Variants in AFG3L2 observed in about 807,000 individuals in gnomAD.
AFG3L2 encodes AFG3 like matrix AAA peptidase subunit 2.
Under a neutral mutation model 94.5 loss-of-function variants are expected in AFG3L2, and 54 were observed. The ratio of observed to expected loss-of-function variants is 0.57; its 90% CI spans 0.46 to 0.72. The LOEUF is 0.72. Ranked by LOEUF, AFG3L2 falls within the 30% of genes least tolerant of loss-of-function variation. The probability of loss-of-function intolerance (pLI) is 0.00; values close to 1 mark genes in which losing one functional copy is unlikely to be tolerated. For missense variants in AFG3L2, 754 were observed against 994.9 expected (o/e 0.76, Z 3.26); for synonymous variants, 377 against 365.5 (o/e 1.03, Z -0.36).
chr18:12,332,230 T>A, intron 16 of AFG3L2, among the ~76,000 whole-genome samples: 1 of 151,438 alleles, frequency 6.6e-6, no homozygotes, highest in East Asian at 1.9e-4. Flanking sequence ...TTCAAGTGAT[T>A]CTCCTGCCTC....
At chr18:12,356,008 C>T (rs1380155552) in intron 9 of AFG3L2, among the ~76,000 whole-genome samples, 1 of 151,564 alleles carries the variant, frequency 6.6e-6, no homozygotes, top group African/African-American at 2.4e-5. Flanking sequence ...TGTTGTAAAA[C>T]TGATTGTGGT....
In AFG3L2 at chr18:12,360,019, G is replaced by A; in HGVS notation, c.660C>T (p.Asp220=). 6.2e-7 allele frequency: 1 copy of A among 1,614,018 alleles called. No homozygotes were observed. The highest frequency in any genetic ancestry group is 8.5e-7 in the Non-Finnish European group (1 of 1,179,932). ...QYVWFNIGSV[D]TFERNLETLQ... ...AAGTTTCCAGATTCCGTTCAAAGGT[G>A]TCCACACTGCCAATATTAAACCAAA... Residue 220 remains aspartate (D), a synonymous_variant, in exon 7 of 17, where the codon GAC becomes GAT. Coordinates refer to ENST00000269143, the MANE Select transcript of AFG3L2 (RefSeq NM_006796.3).
At chr18:12,368,707 T>C (rs1184556108) in intron 3 of AFG3L2, among the ~76,000 whole-genome samples, 1 of 152,092 alleles carries the variant, frequency 6.6e-6, no homozygotes, top group East Asian at 1.9e-4. Flanking sequence ...TTCAAGCGAT[T>C]CTCATGCCTC....
chr18:12,364,971 AC>A (rs1908763852), intron 5 of AFG3L2, among the ~76,000 whole-genome samples: 1 of 152,170 alleles, frequency 6.6e-6, no homozygotes. Flanking sequence ...CGGCCAGCCT[AC>A]ATAGGATTCT....
At chr18:12,353,856 T>G (rs1908400604) in intron 9 of AFG3L2, among the ~76,000 whole-genome samples, 1 of 152,244 alleles carries the variant, frequency 6.6e-6, no homozygotes, top group Non-Finnish European at 1.5e-5. Context: ...TCACATTTCA[T>G]GCCTAACACA....
Position 12,377,186 on chromosome 18 carries a change from C to G in AFG3L2, c.-104G>C, listed in dbSNP as rs777532002. On this transcript the variant is annotated 5_prime_UTR_variant, in exon 1 of 17. Coordinates refer to ENST00000269143, the MANE Select transcript of AFG3L2 (RefSeq NM_006796.3). ...CTCGGCTCGGGGAAAGGCCGCCAGG[C>G]AGCGAAGCGCGCCGGCGGCTCACGG... 5.6e-6 allele frequency: 5 copies of G among 889,880 alleles called. No individual in the cohort carries two copies. The South Asian group carries it at 7.8e-5, about 14-fold the overall frequency. The allele number at this position is 889,880 out of a possible 1,614,324, so 55.1% of individuals were successfully genotyped here.
intron 15 of AFG3L2, among the ~76,000 whole-genome samples, chr18:12,339,892 T>C (rs972105271): frequency 1.4e-5 from 2 of 147,702 alleles, no homozygotes; most frequent in African/African-American, 5.0e-5. Context: ...TGGTGGCGCA[T>C]GCCTGTAATC....
intron 10 of AFG3L2, 105 bp from the exon 11 acceptor site, chr18:12,351,518 C>T (rs1009238715): frequency 1.0e-6 from 1 of 957,236 alleles, no homozygotes; most frequent in Non-Finnish European, 1.7e-6. Context: ...CTACAGTAAA[C>T]ACATTTTCTA....
At chr18:12,371,498 A>C in intron 2 of AFG3L2, 94 bp downstream of exon 2, 1 of 935,720 alleles carries the variant, frequency 1.1e-6, no homozygotes, top group Non-Finnish European at 1.8e-6. Flanking sequence ...CGCTGTAATC[A>C]GACATAAGTT....
At chr18:12,376,070 C>T (rs1909145757) in intron 1 of AFG3L2, among the ~76,000 whole-genome samples, 1 of 152,236 alleles carries the variant, frequency 6.6e-6, no homozygotes, top group Non-Finnish European at 1.5e-5. Flanking sequence ...TCAAGCGATT[C>T]TCCCGCCTCG....
intron 16 of AFG3L2, among the ~76,000 whole-genome samples, chr18:12,331,797 G>T (rs1384520879): frequency 1.1e-5 from 1 of 88,466 alleles, no homozygotes; most frequent in Non-Finnish European, 2.5e-5. Context: ...CTGTCTAAAA[G>T]TAAATAAATA....
intron 1 of AFG3L2, 136 bp downstream of exon 1, chr18:12,376,832 AG>A: frequency 1.7e-6 from 1 of 575,772 alleles, no homozygotes; most frequent in Non-Finnish European, 2.6e-6. Context: ...GAGACAGCGC[AG>A]GGCGCCCAGG....
At chr18:12,360,976 T>G (rs987395075) in intron 6 of AFG3L2, among the ~76,000 whole-genome samples, 1 of 152,232 alleles carries the variant, frequency 6.6e-6, no homozygotes, top group South Asian at 2.1e-4. Flanking sequence ...TGTGCATGTA[T>G]TAGCTCCATT....
At chr18:12,359,450 G>A (rs922921880) in intron 7 of AFG3L2, among the ~76,000 whole-genome samples, 1 of 151,762 alleles carries the variant, frequency 6.6e-6, no homozygotes, top group South Asian at 2.1e-4. Flanking sequence ...TAAAAATAAA[G>A]ATAAAAAGCC....
intron 13 of AFG3L2, among the ~76,000 whole-genome samples, chr18:12,345,365 AAAAC>A (rs1394648714): frequency 3.3e-5 from 5 of 152,190 alleles, no homozygotes; most frequent in Non-Finnish European, 7.3e-5. Flanking sequence ...CATTTGTACT[AAAAC>A]AAATCATCAC....
At chr18:12,367,180 T>C in intron 4 of AFG3L2, 63 bp from the exon 5 acceptor site, 1 of 1,613,064 alleles carries the variant, frequency 6.2e-7, no homozygotes, top group Non-Finnish European at 8.5e-7. Flanking sequence ...CTATGCTCTG[T>C]GAGACACAAA....
At chr18:12,361,593 GC>G in intron 6 of AFG3L2, among the ~76,000 whole-genome samples, 1 of 152,310 alleles carries the variant, frequency 6.6e-6, no homozygotes, top group African/African-American at 2.4e-5. Flanking sequence ...GTTGCAGTGA[GC>G]CAAGATCGCG....
intron 6 of AFG3L2, among the ~76,000 whole-genome samples, chr18:12,362,624 C>T (rs913000110): frequency 1.3e-5 from 2 of 150,270 alleles, no homozygotes; most frequent in South Asian, 2.1e-4. Context: ...AACAAGTTCC[C>T]GCCAATGTCA....
chr18:12,371,110 C>G (rs974568537), intron 2 of AFG3L2, among the ~76,000 whole-genome samples, 184 bp from the exon 3 acceptor site: 1 of 151,912 alleles, frequency 6.6e-6, no homozygotes, highest in Non-Finnish European at 1.5e-5. Flanking sequence ...GTCAGGAGTT[C>G]GAGACCAGCC....
Sources: gnomAD v4.1 joint callset for allele counts (sites outside exome capture counted in the v4.1 genomes callset) on GRCh38, gnomAD v4.1.1 for gene constraint, MANE v1.5 for transcripts, NCBI Gene and HGNC (gene_info 2026-07-23, HGNC 2026-07-21) for gene names.